The following PPP2R5A variants were observed in gnomAD, a reference collection of about 807,000 sequenced individuals.
The protein encoded by PPP2R5A is serine/threonine-protein phosphatase 2A 56 kDa regulatory subunit alpha isoform.
A neutral mutation model predicts 64.2 loss-of-function variants in PPP2R5A; 25 were observed. That is an observed-to-expected ratio of 0.39 (90% confidence interval 0.28 to 0.54). The LOEUF (loss-of-function observed/expected upper bound fraction) is 0.54, where lower values mean the gene tolerates loss of function less well. Among genes scored for constraint, PPP2R5A ranks in the 20% least tolerant of loss-of-function variants. The pLI is 0.67. For missense variants in PPP2R5A, 425 were observed against 576.3 expected, an observed-to-expected ratio of 0.74 and a Z score of 2.69; for synonymous variants, 198 against 201.2, an observed-to-expected ratio of 0.98 and a Z score of 0.13.
chr1:212,309,328 C>G lies in PPP2R5A; in HGVS notation c.182-19807C>G, dbSNP rs910132661. 45 of 1,528,682 alleles carry G rather than the reference C, an allele frequency of 2.9e-5. 1 individual carries two copies. Among genetic ancestry groups the G allele is most frequent in the Non-Finnish European group, 3.9e-5 (43 of 1,113,408 alleles). The allele number at this position is 1,528,682 out of a possible 1,614,324, so 94.7% of individuals were successfully genotyped here. ...GTCAAGTTTGTTTCTCCTGGGGGCG[C>G]TCTTCCGAGGATATTTGGGCTGCCT... is the stretch of plus-strand genomic sequence containing the variant. On this transcript the variant is annotated intron_variant, in intron 1 of 12. Coordinates refer to ENST00000261461, the MANE Select transcript of PPP2R5A (RefSeq NM_006243.4).
intron 1 of PPP2R5A, among the ~76,000 whole-genome samples, chr1:212,304,180 G>C (rs560200010): frequency 6.6e-6 from 1 of 151,738 alleles, no homozygotes; most frequent in East Asian, 1.9e-4. Context: ...TTTCTTCTTT[G>C]ACACATTAGT....
intron 1 of PPP2R5A, among the ~76,000 whole-genome samples, chr1:212,316,144 G>T (rs957816100): frequency 2.6e-5 from 4 of 152,192 alleles, no homozygotes; most frequent in African/African-American, 9.6e-5. Flanking sequence ...GAAAGGAAGA[G>T]TCTCACACCT....
chr1:212,327,033 C>T (rs1363400013), intron 1 of PPP2R5A, among the ~76,000 whole-genome samples: 1 of 152,172 alleles, frequency 6.6e-6, no homozygotes, highest in Non-Finnish European at 1.5e-5. Context: ...TTTTTAAGGA[C>T]AGCAACTTGA....
At chr1:212,344,348 T>G (rs6693849) in intron 4 of PPP2R5A, among the ~76,000 whole-genome samples, 1 of 152,238 alleles carries the variant, frequency 6.6e-6, no homozygotes, top group African/African-American at 2.4e-5. Flanking sequence ...CCGTAGATAT[T>G]TTTTGCTGGA....
At chr1:212,339,270 C>T (rs963942573) in intron 3 of PPP2R5A, among the ~76,000 whole-genome samples, 1 of 152,116 alleles carries the variant, frequency 6.6e-6, no homozygotes, top group African/African-American at 2.4e-5. Context: ...CTCTGCCTCT[C>T]AGGTTCAAGC....
chr1:212,313,379 G>A (rs1400846396), intron 1 of PPP2R5A, among the ~76,000 whole-genome samples: 2 of 152,186 alleles, frequency 1.3e-5, no homozygotes, highest in East Asian at 3.9e-4. Context: ...GTATAAATTC[G>A]TGTATACTGT....
intron 10 of PPP2R5A, 37 bp downstream of exon 10, chr1:212,357,106 G>A (rs369095453): frequency 2.5e-6 from 4 of 1,584,978 alleles, no homozygotes; most frequent in Non-Finnish European, 2.6e-6. Flanking sequence ...CTTTACACTA[G>A]TATTTCTTTC....
intron 1 of PPP2R5A, among the ~76,000 whole-genome samples, chr1:212,291,358 A>G (rs1238329289): frequency 6.6e-6 from 1 of 152,238 alleles, no homozygotes; most frequent in African/African-American, 2.4e-5. Context: ...ATGGGATTAC[A>G]GGCGTGAGCC....
intron 1 of PPP2R5A, among the ~76,000 whole-genome samples, chr1:212,290,479 G>A (rs1038830611): frequency 6.6e-6 from 1 of 152,070 alleles, no homozygotes; most frequent in Non-Finnish European, 1.5e-5. Context: ...GTCATTTTAG[G>A]ACTATTTTCT....
intron 1 of PPP2R5A, among the ~76,000 whole-genome samples, chr1:212,324,475 G>A (rs1190631796): frequency 6.6e-6 from 1 of 152,102 alleles, no homozygotes; most frequent in East Asian, 1.9e-4. Context: ...AGCCTGTAGT[G>A]TTAGAAAAAC....
At chr1:212,344,084 G>C (rs1157861751) in intron 4 of PPP2R5A, among the ~76,000 whole-genome samples, 1 of 152,144 alleles carries the variant, frequency 6.6e-6, no homozygotes, top group Admixed American at 6.5e-5. Flanking sequence ...CGATTCTCCT[G>C]GATCAGCCTC....
At chr1:212,291,180 G>T (rs953328931) in intron 1 of PPP2R5A, among the ~76,000 whole-genome samples, 2 of 151,530 alleles carry the variant, frequency 1.3e-5, no homozygotes, top group African/African-American at 2.4e-5. Flanking sequence ...ACGATCTCTC[G>T]GCTCACTGCC....
intron 1 of PPP2R5A, among the ~76,000 whole-genome samples, chr1:212,320,688 A>T (rs1558146332): frequency 1.1e-5 from 1 of 92,988 alleles, no homozygotes; most frequent in Middle Eastern, 5.0e-3. Flanking sequence ...CGGGGGGCTG[A>T]CCCCCCCACC....
intron 1 of PPP2R5A, among the ~76,000 whole-genome samples, chr1:212,290,603 CTT>C (rs1287176673): frequency 1.3e-5 from 2 of 152,108 alleles, no homozygotes; most frequent in African/African-American, 4.8e-5. Flanking sequence ...AAAGGAAAAA[CTT>C]TTCTATTTAA....
chr1:212,342,848 C>CTT (rs34379519), intron 4 of PPP2R5A, among the ~76,000 whole-genome samples: 10 of 149,350 alleles, frequency 6.7e-5, no homozygotes, highest in South Asian at 2.1e-4. Context: ...GTGATGCCTT[C>CTT]TTTTTTTTTT....
In PPP2R5A at chr1:212,349,194, A is replaced by G. The variant is rs1226597242; in HGVS notation, c.879A>G (p.Ala293=). ...AACTGTCCCTTACCTTTTAGCTAGCATATTGTGTTGTACAGTTCCTGGAGA... is the reference window on the plus strand; with the variant it reads ...AACTGTCCCTTACCTTTTAGCTAGCGTATTGTGTTGTACAGTTCCTGGAGA... The part of the protein sequence containing the change: ...KGLALFHAQL[A]YCVVQFLEKD... Residue 293 remains alanine, a synonymous_variant, in exon 8 of 13, where the codon GCA becomes GCG. Transcript: ENST00000261461. The G allele has an allele frequency of 6.4e-7, 1 of 1,553,178 alleles. No homozygotes were observed. Among genetic ancestry groups the G allele is most frequent in the Admixed American group, 1.8e-5 (1 of 54,846 alleles).
chr1:212,326,627 T>C (rs1222844554), intron 1 of PPP2R5A, among the ~76,000 whole-genome samples: 2 of 152,130 alleles, frequency 1.3e-5, no homozygotes, highest in African/African-American at 4.8e-5. Flanking sequence ...TCAAAAACTT[T>C]ACCAAATTGG....
intron 1 of PPP2R5A, among the ~76,000 whole-genome samples, chr1:212,308,655 C>T (rs760062454): frequency 1.6e-4 from 24 of 152,164 alleles, no homozygotes; most frequent in East Asian, 5.8e-4. Context: ...GTGATCCTCC[C>T]GCCTCGGCCT....
intron 4 of PPP2R5A, among the ~76,000 whole-genome samples, chr1:212,344,540 A>G (rs1263084524): frequency 6.6e-6 from 1 of 152,234 alleles, no homozygotes; most frequent in Non-Finnish European, 1.5e-5. Flanking sequence ...AGAGCTTGCT[A>G]TCTTTATTGT....
Sources: allele counts gnomAD v4.1 joint callset (sites outside exome capture counted in the v4.1 genomes callset), GRCh38; gene constraint gnomAD v4.1.1; transcripts MANE v1.5; gene names NCBI Gene and HGNC (gene_info 2026-07-23, HGNC 2026-07-21).